Variants in EDA observed in about 807,000 individuals in gnomAD.
EDA encodes the protein ectodysplasin-A.
In EDA, 2 loss-of-function variants were observed where a neutral mutation model predicts 23.6. The ratio of observed to expected loss-of-function variants is 0.08; its 90% CI spans 0.03 to 0.27. The LOEUF is 0.27. EDA is among the 10% of genes least tolerant of loss of function. EDA has a pLI of 1.00. For missense variants in EDA, 229 were observed against 324.2 expected (o/e 0.71, Z 2.26); for synonymous variants, 131 against 132.0 (o/e 0.99, Z 0.05).
intron 1 of EDA, among the ~76,000 whole-genome samples, chrX:69,750,472 G>A (rs1214315750): frequency 5.4e-4 from 59 of 110,059 alleles, no homozygotes; most frequent in East Asian, 2.3e-3. Flanking sequence ...GAATAGTGCC[G>A]CAGTAAACAT....
chrX:69,742,945 C>T (rs2013504730), intron 1 of EDA: 1 of 111,079 alleles, frequency 9.0e-6, no homozygotes, highest in Admixed American at 9.6e-5. Context: ...CTACTACATC[C>T]TGGCTGTAAG....
Position 69,721,354 on chromosome X carries a change from G to A in EDA, c.396+104650G>A, listed in dbSNP as rs2012571961. 2.7e-5 allele frequency among the ~76,000 whole-genome samples: 3 copies of A among 111,969 alleles called. No homozygotes were observed. In the South Asian group the frequency reaches 1.1e-3, roughly 42 times the overall value. ...TCTTCTGACTCAAGTGCCATCTCTG[G>A]TTCCGTTTTCTTTCCTAACGTGTTT... On this transcript the variant is annotated intron_variant, in intron 1 of 7. Coordinates refer to ENST00000374552, the MANE Select transcript of EDA (RefSeq NM_001399.5).
chrX:69,761,702 T>C (rs186528980), intron 1 of EDA, among the ~76,000 whole-genome samples: 1 of 112,096 alleles, frequency 8.9e-6, no homozygotes, highest in African/African-American at 3.2e-5. Context: ...GGAATAGGAC[T>C]GTTTGCCCCT....
chrX:69,907,986 A>G (rs745517359), intron 1 of EDA, among the ~76,000 whole-genome samples: 35 of 111,855 alleles, frequency 3.1e-4, no homozygotes, highest in Middle Eastern at 4.6e-3. Context: ...TAAAGGGTAA[A>G]TTCCAAAAGA....
chrX:69,848,944 C>G (rs1224045234), intron 1 of EDA, among the ~76,000 whole-genome samples: 1 of 111,304 alleles, frequency 9.0e-6, no homozygotes, highest in Admixed American at 9.7e-5. Context: ...AATTTGTCAG[C>G]AGCACTCATT....
intron 2 of EDA, among the ~76,000 whole-genome samples, chrX:70,015,344 G>A (rs1016306193): frequency 2.8e-4 from 31 of 111,855 alleles, no homozygotes; most frequent in African/African-American, 9.7e-4. Context: ...AGGCCAACGC[G>A]GGTGGATCAC....
chrX:69,724,139 T>C (rs1223754202), intron 1 of EDA, among the ~76,000 whole-genome samples: 1 of 112,103 alleles, frequency 8.9e-6, no homozygotes, highest in Admixed American at 9.5e-5. Context: ...TGATGTTCCA[T>C]TGGTGAATTG....
intron 1 of EDA, among the ~76,000 whole-genome samples, chrX:69,808,992 T>C (rs1602429587): frequency 9.0e-6 from 1 of 111,714 alleles, no homozygotes. Flanking sequence ...GTAGGTCTTG[T>C]ATAATGGGTC....
chrX:69,707,212 A>G (rs759434046), intron 1 of EDA, among the ~76,000 whole-genome samples: 18 of 111,986 alleles, frequency 1.6e-4, no homozygotes, highest in Non-Finnish European at 3.4e-4. Context: ...AACAGAGAGA[A>G]CTAATTCTTA....
chrX:69,925,940 A>G (rs1395567012), intron 1 of EDA, among the ~76,000 whole-genome samples: 3 of 110,192 alleles, frequency 2.7e-5, no homozygotes, highest in African/African-American at 9.9e-5. Flanking sequence ...TTTCTAGTTT[A>G]TTTGCATAGA....
chrX:69,735,370 C>CA (rs35059912), intron 1 of EDA, among the ~76,000 whole-genome samples: 35,502 of 110,824 alleles, frequency 0.32, 5,021 homozygotes, highest in Middle Eastern at 0.56. Context: ...TCATATGCTA[C>CA]AGCATGGATG....
At chrX:69,676,991 A>C (rs1602280687) in intron 1 of EDA, among the ~76,000 whole-genome samples, 1 of 59,127 alleles carries the variant, frequency 1.7e-5, no homozygotes. Flanking sequence ...CCCCCACCCC[A>C]CAACTGGCCC....
rs1569407437 is a variant in EDA at position 70,035,632 on chromosome X, C to T, written c.*23C>T. On this transcript the variant is annotated 3_prime_UTR_variant, in exon 8 of 8. Transcript: ENST00000374552. ...TAGATTCCCCCCATTTTGCCTCTGT[C>T]CGTGCCCCTTCCCTGGGTTTGGGAG... 6.7e-6 allele frequency: 8 copies of T among 1,201,440 alleles called. No individual in the cohort carries two copies. Among genetic ancestry groups the T allele is most frequent in the Non-Finnish European group, 3.4e-6 (3 of 892,822 alleles).
At chrX:69,641,678 G>T (rs991837014) in intron 1 of EDA, among the ~76,000 whole-genome samples, 1 of 111,455 alleles carries the variant, frequency 9.0e-6, no homozygotes, top group Non-Finnish European at 1.9e-5. Context: ...TATATGGAGG[G>T]ATATTACACT....
intron 1 of EDA, among the ~76,000 whole-genome samples, chrX:69,661,009 T>G (rs1354379651): frequency 1.8e-5 from 2 of 110,936 alleles, no homozygotes; most frequent in Non-Finnish European, 3.8e-5. Context: ...CAGCACCTGT[T>G]GTTTCCTGAC....
chrX:69,814,695 G>C (rs2016037256), intron 1 of EDA, among the ~76,000 whole-genome samples: 1 of 111,951 alleles, frequency 8.9e-6, no homozygotes, highest in African/African-American at 3.2e-5. Flanking sequence ...GACCAACAGA[G>C]AATGAAGAAA....
At chrX:69,655,787 T>TCTATATATATATATCTATATA (rs6151315) in intron 1 of EDA, among the ~76,000 whole-genome samples, 1 of 88,392 alleles carries the variant, frequency 1.1e-5, no homozygotes, top group African/African-American at 4.7e-5. Context: ...TATATATATA[T>TCTATATATATATATCTATATA]TGCACTTTGT....
At chrX:69,750,104 G>C (rs1455477275) in intron 1 of EDA, among the ~76,000 whole-genome samples, 9 of 104,574 alleles carry the variant, frequency 8.6e-5, no homozygotes, top group Non-Finnish European at 1.4e-4. Context: ...TGCCATGTTG[G>C]TGTGCTGCAC....
chrX:70,008,592 T>C (rs1346551031), intron 2 of EDA, among the ~76,000 whole-genome samples: 1 of 111,592 alleles, frequency 9.0e-6, no homozygotes, highest in Non-Finnish European at 1.9e-5. Flanking sequence ...GAGATAGCAG[T>C]GGTAGTTTTC....
Sources: gnomAD v4.1 joint callset for allele counts (sites outside exome capture counted in the v4.1 genomes callset) on GRCh38, gnomAD v4.1.1 for gene constraint, MANE v1.5 for transcripts, NCBI Gene and HGNC (gene_info 2026-07-23, HGNC 2026-07-21) for gene names.